GPC5: variants seen among roughly 807,000 people sequenced by gnomAD.
The protein encoded by GPC5 is glypican 5, also known as glypican-5.
In GPC5, 47 loss-of-function variants were observed where a neutral mutation model predicts 53.9. The ratio of observed to expected loss-of-function variants is 0.87; its 90% confidence interval spans 0.69 to 1.11. The LOEUF is 1.11. GPC5 is among the 50% of genes most tolerant of loss of function. The pLI is 0.00. For missense variants in GPC5, 748 were observed against 713.1 expected (o/e 1.05, Z -0.56); for synonymous variants, 286 against 263.3 (o/e 1.09, Z -0.84).
At position 91,832,428 on chromosome 13, in the gene GPC5, A is replaced by G. The variant is rs566171053; in HGVS notation, c.1281-75509A>G. 3.4e-3 allele frequency among the ~76,000 whole-genome samples: 516 copies of G among 150,084 alleles called. 3 individuals are homozygous for G. The highest frequency in any genetic ancestry group is 0.012 in the African/African-American group (489 of 40,766). On this transcript the variant is annotated intron_variant, in intron 5 of 7. Transcript: ENST00000377067. ...TAGAGTACACTGATGGGTCTTGACT[A>G]TCCAATTTGCCAGTCTGTGTCTTTT...
intron 7 of GPC5, chr13:92,659,167 A>C (rs1886248956): frequency 6.6e-6 from 1 of 151,318 alleles, no homozygotes; most frequent in African/African-American, 2.4e-5. Flanking sequence ...TGACCTCGTG[A>C]TCCGCCCGCC....
At chr13:92,175,020 T>G (rs889830990) in intron 7 of GPC5, among the ~76,000 whole-genome samples, 2 of 152,116 alleles carry the variant, frequency 1.3e-5, no homozygotes, top group Non-Finnish European at 2.9e-5. Flanking sequence ...CTGCTAAATT[T>G]TTTTGTAGTT....
At position 91,988,852 on chromosome 13, in the gene GPC5, C is replaced by A. The variant is rs528857292; in HGVS notation, c.1401+80795C>A. ...TTGCTTGATTAGCACTTGGTCAAAA[C>A]CTCAATTCTGGAGTGTTTTAGATTT... On this transcript the variant is annotated intron_variant, in intron 6 of 7. Transcript: ENST00000377067. 6.0e-5 allele frequency among the ~76,000 whole-genome samples: 9 copies of A among 150,002 alleles called. No individual in the cohort carries two copies. In the East Asian group the frequency reaches 1.5e-3, roughly 26 times the overall value.
At chr13:92,086,822 CTAA>C (rs907541916) in intron 6 of GPC5, among the ~76,000 whole-genome samples, 113 of 152,218 alleles carry the variant, frequency 7.4e-4, no homozygotes, top group African/African-American at 2.7e-3. Flanking sequence ...ACATGCCTGG[CTAA>C]TTTTTGTATT....
At chr13:92,772,767 G>C (rs973144230) in intron 7 of GPC5, among the ~76,000 whole-genome samples, 6 of 152,152 alleles carry the variant, frequency 3.9e-5, no homozygotes, top group Non-Finnish European at 5.9e-5. Flanking sequence ...GTAAGTGCTT[G>C]ATAAATATCT....
intron 6 of GPC5, among the ~76,000 whole-genome samples, chr13:91,964,425 C>T (rs113466354): frequency 6.6e-5 from 10 of 152,182 alleles, no homozygotes; most frequent in African/African-American, 2.4e-4. Context: ...GTCTGTTTTA[C>T]AGAGTGCTGA....
chr13:91,530,022 C>T (rs1467138315), intron 2 of GPC5, among the ~76,000 whole-genome samples: 1 of 152,084 alleles, frequency 6.6e-6, no homozygotes, highest in Non-Finnish European at 1.5e-5. Flanking sequence ...CTTCAGATAG[C>T]CAGTGTCTCA....
chr13:91,946,894 A>T (rs1262983035), intron 6 of GPC5, among the ~76,000 whole-genome samples: 5 of 150,038 alleles, frequency 3.3e-5, no homozygotes, highest in Admixed American at 2.0e-4. Context: ...ATTAAAGCAC[A>T]TTTTTTTTTT....
intron 1 of GPC5, among the ~76,000 whole-genome samples, chr13:91,403,526 G>C (rs1422957484): frequency 6.6e-6 from 1 of 152,166 alleles, no homozygotes; most frequent in Non-Finnish European, 1.5e-5. Context: ...TAAAAGAGGG[G>C]AATGTTTAGT....
intron 3 of GPC5, among the ~76,000 whole-genome samples, chr13:91,711,274 T>TA (rs988818057): frequency 1.3e-5 from 2 of 151,728 alleles, no homozygotes; most frequent in African/African-American, 4.8e-5. Context: ...ACTATGCAGC[T>TA]AAAAAAAAGG....
At chr13:92,119,390 GTTTTT>G (rs386380215) in intron 6 of GPC5, among the ~76,000 whole-genome samples, 1 of 65,672 alleles carries the variant, frequency 1.5e-5, no homozygotes, top group Non-Finnish European at 2.6e-5. Context: ...TAGGATTTTA[GTTTTT>G]TTTTTTTTTT....
chr13:92,737,456 T>C (rs1888966693), intron 7 of GPC5, among the ~76,000 whole-genome samples: 1 of 152,050 alleles, frequency 6.6e-6, no homozygotes, highest in Non-Finnish European at 1.5e-5. Context: ...TTCATGTAAA[T>C]TGTGCCTTAA....
intron 7 of GPC5, among the ~76,000 whole-genome samples, chr13:92,311,863 C>T (rs1188797217): frequency 6.6e-6 from 1 of 152,058 alleles, no homozygotes; most frequent in East Asian, 1.9e-4. Flanking sequence ...TAACCTTTGG[C>T]TGATGTCTGT....
At chr13:91,498,645 A>G (rs1184752421) in intron 2 of GPC5, among the ~76,000 whole-genome samples, 1 of 152,092 alleles carries the variant, frequency 6.6e-6, no homozygotes, top group Non-Finnish European at 1.5e-5. Flanking sequence ...TAAAAAGATA[A>G]CTCTAAGGAG....
chr13:92,578,392 A>G (rs1248222663), intron 7 of GPC5, among the ~76,000 whole-genome samples: 2 of 152,164 alleles, frequency 1.3e-5, no homozygotes, highest in Non-Finnish European at 2.9e-5. Flanking sequence ...ATACAGATAG[A>G]TTAGATAAAT....
At chr13:91,667,863 C>G (rs1358987194) in intron 2 of GPC5, among the ~76,000 whole-genome samples, 9 of 152,156 alleles carry the variant, frequency 5.9e-5, no homozygotes, top group Admixed American at 5.2e-4. Flanking sequence ...ACTAGGCAAT[C>G]TCATCTCCTC....
rs1245125934 is a variant in GPC5, at chr13:91,996,971, T to A, written c.1401+88914T>A. On this transcript the variant is annotated intron_variant, in intron 6 of 7. Coordinates refer to ENST00000377067, the MANE Select transcript of GPC5 (RefSeq NM_004466.6). ...AATTATATTAGTATAATATAAAACA[T>A]TATTGTAAGTATCTTAATTATAATA... is the stretch of plus-strand genomic sequence containing the variant. Among the ~76,000 whole-genome samples the A allele has an allele frequency of 3.9e-5, 6 of 152,134 alleles. No homozygotes were observed. The East Asian group carries it at 9.6e-4, about 24-fold the overall frequency.
intron 6 of GPC5, among the ~76,000 whole-genome samples, chr13:92,064,206 G>A (rs1310511989): frequency 6.6e-6 from 1 of 152,262 alleles, no homozygotes; most frequent in Non-Finnish European, 1.5e-5. Flanking sequence ...ATGCCATTTT[G>A]CCACTTGTAA....
chr13:91,890,897 C>A (rs1051099504), intron 5 of GPC5, among the ~76,000 whole-genome samples: 1 of 152,162 alleles, frequency 6.6e-6, no homozygotes, highest in African/African-American at 2.4e-5. Context: ...GAAAAGCTAT[C>A]TACAGTGTGT....
Sources: gnomAD v4.1 joint callset for allele counts (sites outside exome capture counted in the v4.1 genomes callset) on GRCh38, gnomAD v4.1.1 for gene constraint, MANE v1.5 for transcripts, NCBI Gene and HGNC (gene_info 2026-07-23, HGNC 2026-07-21) for gene names.